CORO7: variants seen among roughly 807,000 people sequenced by gnomAD.
CORO7 encodes the protein coronin 7.
Under a neutral mutation model 126.6 loss-of-function variants are expected in CORO7, and 107 were observed. The observed-to-expected ratio is 0.85, with a 90% CI of 0.72 to 0.99. The LOEUF (loss-of-function observed/expected upper bound fraction) is 0.99, where lower values mean the gene tolerates loss of function less well. CORO7 is among the 50% of genes least tolerant of loss of function. The probability of loss-of-function intolerance (pLI) is 0.00; values close to 1 mark genes in which losing one functional copy is unlikely to be tolerated. For missense variants in CORO7, 1,314 were observed against 1,255.8 expected (o/e 1.05, Z -0.70); for synonymous variants, 603 against 536.8 (o/e 1.12, Z -1.70).
intron 7 of CORO7, among the ~76,000 whole-genome samples, chr16:4,393,180 C>A (rs1310439289): frequency 6.6e-6 from 1 of 152,134 alleles, no homozygotes; most frequent in East Asian, 1.9e-4. Context: ...CATAGGTGCC[C>A]CAGCAGTGCC....
intron 3 of CORO7, among the ~76,000 whole-genome samples, chr16:4,408,740 A>C (rs867610184): frequency 7.9e-5 from 12 of 152,348 alleles, no homozygotes; most frequent in East Asian, 3.9e-4. Context: ...AGGTGGGCAG[A>C]TCACTTGGGC....
Position 4,412,066 on chromosome 16 carries a change from G to A in CORO7, c.232+290C>T, listed in dbSNP as rs116094977. Among the ~76,000 whole-genome samples the A allele has an allele frequency of 4.7e-3, 715 of 152,048 alleles. 5 individuals carry two copies. Among genetic ancestry groups the A allele is most frequent in the African/African-American group, 0.017 (687 of 41,448 alleles). ...CAGAGCCATCCAACGTGGAGTCCTC[G>A]GCAGGGACAGGGAGCCAGCATCAGC... On this transcript the variant is annotated intron_variant, in intron 3 of 27. Transcript: ENST00000251166.
chr16:4,405,773 G>A (rs1339306531), intron 5 of CORO7, among the ~76,000 whole-genome samples: 2 of 148,460 alleles, frequency 1.3e-5, no homozygotes, highest in East Asian at 1.9e-4. Context: ...TTGTGCAGCC[G>A]TACATCACTC....
rs754003499 is a variant in CORO7, at chr16:4,382,554, C to T, written c.785+5432G>A. 3 of 1,593,394 alleles carry T rather than the reference C, an allele frequency of 1.9e-6. No individual in the cohort carries two copies. In the African/African-American group the frequency reaches 4.0e-5, roughly 21 times the overall value. ...GGGAGGCCCATACACCCCCAGCCGTCCACTCCAACCACGCCCCAGTCACCC... is the reference window on the plus strand; with the variant it reads ...GGGAGGCCCATACACCCCCAGCCGTTCACTCCAACCACGCCCCAGTCACCC... On this transcript the variant is annotated intron_variant, in intron 9 of 27. Transcript: ENST00000251166.
chr16:4,357,119 G>A (rs757267465), intron 26 of CORO7, 49 bp downstream of exon 26: 4 of 1,609,908 alleles, frequency 2.5e-6, no homozygotes, highest in Non-Finnish European at 1.7e-6. Flanking sequence ...GTGGCCAGGT[G>A]CAGCCAGGAC....
chr16:4,372,904 C>T (rs2141219356), intron 9 of CORO7, among the ~76,000 whole-genome samples: 1 of 152,286 alleles, frequency 6.6e-6, no homozygotes, highest in East Asian at 1.9e-4. Context: ...AGGTGAGGCT[C>T]TGGAGAGAGG....
chr16:4,391,142 G>T (rs2055373348), intron 7 of CORO7, among the ~76,000 whole-genome samples: 1 of 152,286 alleles, frequency 6.6e-6, no homozygotes, highest in East Asian at 1.9e-4. Context: ...ATGAGAGGTG[G>T]GCTGGGCGCA....
intron 19 of CORO7, 111 bp from the exon 20 acceptor site, chr16:4,360,659 C>T (rs1360650733): frequency 7.1e-7 from 1 of 1,406,838 alleles, no homozygotes; most frequent in African/African-American, 1.4e-5. Flanking sequence ...CACTGCTGTT[C>T]CCGCCTCTCC....
intron 3 of CORO7, among the ~76,000 whole-genome samples, chr16:4,410,008 T>C (rs907367182): frequency 1.2e-4 from 18 of 152,184 alleles, no homozygotes; most frequent in Non-Finnish European, 2.2e-4. Context: ...ACAGTGAGGC[T>C]ATGGACTTGC....
intron 9 of CORO7, among the ~76,000 whole-genome samples, chr16:4,379,481 C>A (rs2054874496): frequency 6.6e-6 from 1 of 152,096 alleles, no homozygotes; most frequent in African/African-American, 2.4e-5. Flanking sequence ...AGGGCACGCA[C>A]CCTTCACAGG....
chr16:4,395,983 GTGCATGCACACGT>G (rs2055572419), intron 6 of CORO7, among the ~76,000 whole-genome samples: 1 of 61,608 alleles, frequency 1.6e-5, no homozygotes, highest in South Asian at 4.0e-4. Flanking sequence ...CAATGTGTGT[GTGCATGCACACGT>G]TGTGTGTGTG....
At chr16:4,398,257 C>G (rs967475329) in intron 6 of CORO7, among the ~76,000 whole-genome samples, 13 of 151,954 alleles carry the variant, frequency 8.6e-5, no homozygotes, top group African/African-American at 2.9e-4. Flanking sequence ...TAGAAATGGC[C>G]AAAAAGCGTA....
chr16:4,358,946 T>A (rs1166218598), intron 23 of CORO7: 1 of 330,374 alleles, frequency 3.0e-6, no homozygotes, highest in Non-Finnish European at 5.5e-6. Context: ...AGTGCAATTT[T>A]TTGTTTGTTT....
chr16:4,395,975 A>ATGTGTG (rs144340601), intron 6 of CORO7, among the ~76,000 whole-genome samples: 5 of 151,730 alleles, frequency 3.3e-5, no homozygotes, highest in African/African-American at 4.8e-5. Flanking sequence ...CTGTGGAACA[A>ATGTGTG]TGTGTGTGTG....
At chr16:4,369,920 T>G (rs1031570392) in intron 9 of CORO7, among the ~76,000 whole-genome samples, 3 of 152,090 alleles carry the variant, frequency 2.0e-5, no homozygotes, top group African/African-American at 4.8e-5. Context: ...GGTGGCACCT[T>G]GAAACCATAC....
intron 5 of CORO7, among the ~76,000 whole-genome samples, chr16:4,406,177 T>G (rs913179687): frequency 2.6e-5 from 4 of 152,178 alleles, no homozygotes; most frequent in African/African-American, 7.2e-5. Context: ...TTTTTGTATT[T>G]TTAGCAGGGA....
chr16:4,355,536 T>G (rs1263759148), intron 26 of CORO7, 164 bp from the exon 27 acceptor site: 4 of 706,504 alleles, frequency 5.7e-6, no homozygotes, highest in African/African-American at 5.4e-5. Context: ...TGGCGCGATC[T>G]CGGCTCACTG....
chr16:4,387,895 C>G (rs1162381637), intron 9 of CORO7, 91 bp downstream of exon 9: 1 of 1,516,782 alleles, frequency 6.6e-7, no homozygotes, highest in Non-Finnish European at 9.0e-7. Flanking sequence ...CGGAGATCAG[C>G]CCGCCTCACT....
chr16:4,382,079 G>T (rs777609029), intron 9 of CORO7: 3 of 1,586,156 alleles, frequency 1.9e-6, no homozygotes, highest in Non-Finnish European at 2.6e-6. Flanking sequence ...CCGACTGTAG[G>T]GCCTGTCCCC....
Sources: allele counts gnomAD v4.1 joint callset (sites outside exome capture counted in the v4.1 genomes callset), GRCh38; gene constraint gnomAD v4.1.1; transcripts MANE v1.5; gene names NCBI Gene and HGNC (gene_info 2026-07-23, HGNC 2026-07-21).